The following ELMO2 variants were observed in gnomAD, a reference collection of about 807,000 sequenced individuals.
The protein encoded by ELMO2 is engulfment and cell motility protein 2.
ELMO2 carries 37 observed loss-of-function variants against 96.2 expected under a neutral mutation model. The observed-to-expected ratio is 0.38, with a 90% CI of 0.30 to 0.51. The LOEUF is 0.51. Ranked by LOEUF, ELMO2 falls within the 20% of genes least tolerant of loss-of-function variation. The pLI is 0.88. For synonymous variants in ELMO2, 315 were observed against 329.4 expected, an observed-to-expected ratio of 0.96 and a Z score of 0.47; for missense variants, 561 against 912.6, an observed-to-expected ratio of 0.61 and a Z score of 4.96.
rs2060207595 is a variant in ELMO2, at chr20:46,394,296, G to T, written c.78+109C>A. On this transcript the variant is annotated intron_variant, in intron 3 of 21. Coordinates refer to ENST00000290246, the MANE Select transcript of ELMO2 (RefSeq NM_133171.5). ...AGGCCCAAAGCTTAGCCTTCCTGTT[G>T]CTCGTTCTTACTCTTGATGCCGGTG... is the stretch of plus-strand genomic sequence containing the variant. The T allele has an allele frequency of 6.0e-6, 8 of 1,329,118 alleles. No homozygotes were observed. In the East Asian group the frequency reaches 1.9e-4, roughly 32 times the overall value. The allele number at this position is 1,329,118 out of a possible 1,614,324, so 82.3% of individuals were successfully genotyped here.
intron 2 of ELMO2, among the ~76,000 whole-genome samples, chr20:46,398,131 T>C (rs970476642): frequency 9.2e-5 from 14 of 152,130 alleles, no homozygotes; most frequent in African/African-American, 3.4e-4. Context: ...ATCACTAGCA[T>C]ATGATGATGG....
intron 7 of ELMO2, chr20:46,387,933 G>A (rs2060078902): frequency 6.5e-6 from 1 of 153,000 alleles, no homozygotes; most frequent in Non-Finnish European, 1.5e-5. Context: ...GTCTCACAGC[G>A]TTAACCTCAC....
intron 2 of ELMO2, among the ~76,000 whole-genome samples, chr20:46,397,600 G>A (rs2060268151): frequency 6.6e-6 from 1 of 152,176 alleles, no homozygotes. Flanking sequence ...GAACCCAGGA[G>A]GCGGAGGTTT....
chr20:46,394,982 G>A (rs1333312156), intron 2 of ELMO2, among the ~76,000 whole-genome samples: 1 of 152,130 alleles, frequency 6.6e-6, no homozygotes, highest in Non-Finnish European at 1.5e-5. Context: ...CATCAGCAGG[G>A]CCCAGCTACA....
At chr20:46,377,887 C>G (rs2059892284) in intron 11 of ELMO2, among the ~76,000 whole-genome samples, 1 of 152,212 alleles carries the variant, frequency 6.6e-6, no homozygotes, top group Non-Finnish European at 1.5e-5. Context: ...CCCAGTCTCT[C>G]TCATGGCCAG....
At chr20:46,396,732 C>T (rs1308897026) in intron 2 of ELMO2, among the ~76,000 whole-genome samples, 1 of 152,178 alleles carries the variant, frequency 6.6e-6, no homozygotes, top group Non-Finnish European at 1.5e-5. Context: ...ATTGTCCCTG[C>T]TGAAACAAGT....
At chr20:46,369,218 T>A in intron 20 of ELMO2, 1 of 432,232 alleles carries the variant, frequency 2.3e-6, no homozygotes, top group South Asian at 3.3e-5. Context: ...AAAAAAGTCA[T>A]TTTCAACACT....
intron 10 of ELMO2, chr20:46,382,097 G>A (rs1339028735): frequency 2.0e-6 from 2 of 980,614 alleles, no homozygotes; most frequent in East Asian, 1.2e-4. Flanking sequence ...ACCTTTCCCT[G>A]GGTCTTGGCA....
intron 2 of ELMO2, among the ~76,000 whole-genome samples, chr20:46,395,280 C>A (rs1203403225): frequency 6.6e-6 from 1 of 152,156 alleles, no homozygotes; most frequent in African/African-American, 2.4e-5. Flanking sequence ...TCATCCTGAG[C>A]AAGTCTGGAA....
intron 1 of ELMO2, among the ~76,000 whole-genome samples, chr20:46,403,103 T>C (rs978353965): frequency 6.6e-6 from 1 of 152,218 alleles, no homozygotes. Flanking sequence ...TCTAACCGTG[T>C]GAACCTGAAG....
chr20:46,379,234 T>C (rs1349724760), intron 11 of ELMO2, among the ~76,000 whole-genome samples: 1 of 152,208 alleles, frequency 6.6e-6, no homozygotes, highest in Non-Finnish European at 1.5e-5. Flanking sequence ...CCTCAGGCAA[T>C]CCACCCGCCT....
intron 1 of ELMO2, among the ~76,000 whole-genome samples, chr20:46,400,096 T>A (rs1399640252): frequency 6.6e-6 from 1 of 152,160 alleles, no homozygotes; most frequent in Non-Finnish European, 1.5e-5. Context: ...TATGATCATG[T>A]CACTGAACTC....
rs758061712 is a variant in ELMO2 at position 46,389,355 on chromosome 20, G to C, written c.244-135C>G. 129 of 843,520 alleles carry C rather than the reference G, an allele frequency of 1.5e-4. 1 individual carries two copies. Among genetic ancestry groups the C allele is most frequent in the Non-Finnish European group, 2.1e-4 (116 of 542,160 alleles). 52.3% of individuals were successfully genotyped at this position (843,520 alleles called of 1,614,324 possible). On this transcript the variant is annotated intron_variant, in intron 6 of 21. Transcript: ENST00000290246. ...AGTTTTTTCACACAGCTTAGGAGTT[G>C]CTAAATAAATGTTTGTGGAATCAAT...
intron 8 of ELMO2, 25 bp from the exon 9 acceptor site, chr20:46,386,300 T>C (rs370246077): frequency 1.2e-6 from 2 of 1,612,052 alleles, no homozygotes; most frequent in African/African-American, 1.3e-5. Flanking sequence ...GGCACATCAA[T>C]TGAGAAGCTC....
In ELMO2 at chr20:46,393,147, GGTAGT is replaced by G; in HGVS notation, c.193-9_193-5del. The stretch of plus-strand genomic sequence containing the variant: ...CATTCTTAATGTCACTGCGAGTCTG[GGTAGT>G]GAAAAATAAACAAAAAAAGTAACTA... On this transcript the variant is annotated splice_region_variant and splice_polypyrimidine_tract_variant and intron_variant, in intron 5 of 21. Coordinates refer to ENST00000290246, the MANE Select transcript of ELMO2 (RefSeq NM_133171.5). 6.2e-7 allele frequency: 1 copy of G among 1,613,660 alleles called. No homozygotes were observed. The highest frequency in any genetic ancestry group is 1.1e-5 in the South Asian group (1 of 91,064).
chr20:46,374,098 GTTT>G (rs60843274), intron 15 of ELMO2, among the ~76,000 whole-genome samples: 4 of 63,046 alleles, frequency 6.3e-5, no homozygotes, highest in African/African-American at 6.2e-5. Context: ...CTAATTTTTG[GTTT>G]TTTTTTTTTT....
intron 1 of ELMO2, among the ~76,000 whole-genome samples, chr20:46,401,628 C>T (rs1328031590): frequency 1.3e-5 from 2 of 152,144 alleles, no homozygotes; most frequent in Admixed American, 1.3e-4. Flanking sequence ...CCAGTTCCAC[C>T]GTGGCTCTGT....
rs758247979 is a variant in ELMO2 at position 46,368,980 on chromosome 20, AG to A, written c.1885-13del. 3.1e-6 allele frequency: 5 copies of A among 1,614,018 alleles called. No homozygotes were observed. The highest frequency in any genetic ancestry group is 4.2e-6 in the Non-Finnish European group (5 of 1,179,878). On this transcript the variant is annotated splice_polypyrimidine_tract_variant and intron_variant, in intron 20 of 21. Coordinates refer to ENST00000290246, the MANE Select transcript of ELMO2 (RefSeq NM_133171.5). ...AATTCCAACACCTCCTGAAGGAGAA[AG>A]GGTTTAAATTAGAGCGATGGAACAG...
intron 10 of ELMO2, chr20:46,382,361 G>T: frequency 1.1e-6 from 1 of 925,816 alleles, no homozygotes; most frequent in Non-Finnish European, 1.5e-6. Flanking sequence ...GACAAGGACA[G>T]ACAGAACCAC....
Sources: allele counts gnomAD v4.1 joint callset (sites outside exome capture counted in the v4.1 genomes callset), GRCh38; gene constraint gnomAD v4.1.1; transcripts MANE v1.5; gene names NCBI Gene and HGNC (gene_info 2026-07-23, HGNC 2026-07-21).